COG5: variants seen among roughly 807,000 people sequenced by gnomAD.
COG5 encodes component of oligomeric golgi complex 5.
A neutral mutation model predicts 110.4 loss-of-function variants in COG5; 86 were observed. The ratio of observed to expected loss-of-function variants is 0.78; its 90% CI spans 0.65 to 0.93. COG5 has a LOEUF of 0.93. COG5 is among the 40% of genes least tolerant of loss of function. The probability of loss-of-function intolerance (pLI) is 0.00; values close to 1 mark genes in which losing one functional copy is unlikely to be tolerated. For synonymous variants in COG5, 360 were observed against 334.6 expected (o/e 1.08, Z -0.83); for missense variants, 1,077 against 987.0 (o/e 1.09, Z -1.22).
At chr7:107,220,398 C>A (rs1057097736) in intron 19 of COG5, among the ~76,000 whole-genome samples, 4 of 152,278 alleles carry the variant, frequency 2.6e-5, no homozygotes, top group African/African-American at 9.6e-5. Flanking sequence ...CAATCTCTTT[C>A]GGAATTATTT....
At chr7:107,382,411 T>C (rs1271521252) in intron 7 of COG5, among the ~76,000 whole-genome samples, 4 of 152,228 alleles carry the variant, frequency 2.6e-5, no homozygotes, top group Non-Finnish European at 4.4e-5. Context: ...CCAGGCCAAG[T>C]ATAAAACTGA....
At chr7:107,449,816 C>G (rs781251577) in intron 6 of COG5, among the ~76,000 whole-genome samples, 8 of 152,158 alleles carry the variant, frequency 5.3e-5, no homozygotes, top group Non-Finnish European at 7.4e-5. Flanking sequence ...ATTGCTGCAG[C>G]TACAGCAGCA....
At chr7:107,345,821 G>GT in intron 10 of COG5, among the ~76,000 whole-genome samples, 1 of 152,048 alleles carries the variant, frequency 6.6e-6, no homozygotes, top group East Asian at 1.9e-4. Flanking sequence ...CCACCTAAGA[G>GT]TATGTCAAAT....
At chr7:107,275,659 G>C (rs1361895511) in intron 14 of COG5, among the ~76,000 whole-genome samples, 7 of 151,852 alleles carry the variant, frequency 4.6e-5, no homozygotes. Flanking sequence ...GGGTTCATGC[G>C]ATTCTCCTGG....
intron 17 of COG5, among the ~76,000 whole-genome samples, chr7:107,245,563 A>G (rs557963818): frequency 1.3e-5 from 2 of 152,322 alleles, no homozygotes; most frequent in East Asian, 3.9e-4. Flanking sequence ...ATTCCTATAC[A>G]TCACCAACAG....
chr7:107,207,399 A>G (rs1034800544), intron 21 of COG5, among the ~76,000 whole-genome samples: 1 of 152,218 alleles, frequency 6.6e-6, no homozygotes, highest in Non-Finnish European at 1.5e-5. Context: ...CAAGGGATCC[A>G]AGGATGCACA....
At chr7:107,509,620 A>C (rs1464612631) in intron 6 of COG5, among the ~76,000 whole-genome samples, 2 of 152,212 alleles carry the variant, frequency 1.3e-5, no homozygotes, top group African/African-American at 4.8e-5. Flanking sequence ...GTTGAAATGA[A>C]GGACAAAATG....
chr7:107,281,450 A>G, intron 13 of COG5, 51 bp from the exon 14 acceptor site: 1 of 1,300,936 alleles, frequency 7.7e-7, no homozygotes. Flanking sequence ...ATTCATCAAC[A>G]AAGTAAAGAG....
intron 12 of COG5, among the ~76,000 whole-genome samples, chr7:107,294,881 T>TTGTGTG (rs756358916): frequency 4.0e-4 from 38 of 94,270 alleles, no homozygotes; most frequent in African/African-American, 1.2e-3. Context: ...ATGCCTGGAT[T>TTGTGTG]TGTGTGTGTG....
At chr7:107,502,857 G>T (rs1798721614) in intron 6 of COG5, among the ~76,000 whole-genome samples, 1 of 151,906 alleles carries the variant, frequency 6.6e-6, no homozygotes, top group Non-Finnish European at 1.5e-5. Flanking sequence ...CTTTTTGGTG[G>T]GATTATTTAT....
chr7:107,410,744 C>A (rs1250905131), intron 7 of COG5, among the ~76,000 whole-genome samples: 2 of 151,862 alleles, frequency 1.3e-5, no homozygotes, highest in Non-Finnish European at 1.5e-5. Flanking sequence ...GCCCGGCCAA[C>A]AGATTGATGT....
chr7:107,466,986 G>T (rs1187348916), intron 6 of COG5, among the ~76,000 whole-genome samples: 1 of 151,926 alleles, frequency 6.6e-6, no homozygotes, highest in Non-Finnish European at 1.5e-5. Context: ...CCACAAGCTG[G>T]GTAAGAATGA....
At chr7:107,446,220 C>T (rs1584833037) in intron 6 of COG5, among the ~76,000 whole-genome samples, 2 of 152,278 alleles carry the variant, frequency 1.3e-5, no homozygotes, top group East Asian at 3.9e-4. Context: ...AATAGTAAGT[C>T]CTGAGACCTT....
intron 17 of COG5, among the ~76,000 whole-genome samples, chr7:107,239,794 T>G (rs896583280): frequency 2.0e-5 from 3 of 152,228 alleles, no homozygotes; most frequent in Admixed American, 2.0e-4. Context: ...TTCGAAGATT[T>G]CTCCTATTAT....
rs534568203 is a variant in COG5, at chr7:107,314,196, A to T, written c.1108+10244T>A. On this transcript the variant is annotated intron_variant, in intron 11 of 21. Coordinates refer to ENST00000297135, the MANE Select transcript of COG5 (RefSeq NM_006348.5). ...TGTATAAAAGAAAAATAACAATTTT[A>T]AAAAATTCCATTAGAAATTAGTGGA... Among the ~76,000 whole-genome samples the T allele has an allele frequency of 9.2e-5, 14 of 152,320 alleles. 1 individual carries two copies. The highest frequency in any genetic ancestry group is 6.8e-3 in the Middle Eastern group (2 of 294).
intron 12 of COG5, among the ~76,000 whole-genome samples, chr7:107,294,894 TG>T (rs1806491948): frequency 1.5e-5 from 1 of 68,166 alleles, no homozygotes; most frequent in Admixed American, 1.7e-4. Context: ...TGTGTGTGTG[TG>T]TGTGTGTGTG....
At chr7:107,234,688 G>C (rs1026223871) in intron 18 of COG5, among the ~76,000 whole-genome samples, 1 of 152,054 alleles carries the variant, frequency 6.6e-6, no homozygotes, top group Non-Finnish European at 1.5e-5. Flanking sequence ...AGGGGAGAGA[G>C]CCCAGGGAAA....
chr7:107,335,553 AAAGG>A (rs1810633455), intron 10 of COG5, among the ~76,000 whole-genome samples: 1 of 152,240 alleles, frequency 6.6e-6, no homozygotes, highest in African/African-American at 2.4e-5. Context: ...AGAAAGGGAA[AAAGG>A]AAGAGGAATT....
rs75223162 is a variant in COG5 at position 107,338,630 on chromosome 7, A to G, written c.1027-14109T>C. On this transcript the variant is annotated intron_variant, in intron 10 of 21. Transcript: ENST00000297135. ...AAAGCAAAAATAAACAAATTACACT[A>G]CATCAAACTTGAAGATTTCTATGCA... 9.8e-3 allele frequency among the ~76,000 whole-genome samples: 1,489 copies of G among 152,240 alleles called. 27 individuals are homozygous for G. The highest frequency in any genetic ancestry group is 0.034 in the African/African-American group (1,421 of 41,572).
Sources: gnomAD v4.1 joint callset for allele counts (sites outside exome capture counted in the v4.1 genomes callset) on GRCh38, gnomAD v4.1.1 for gene constraint, MANE v1.5 for transcripts, NCBI Gene and HGNC (gene_info 2026-07-23, HGNC 2026-07-21) for gene names.